Variants in ZNF678 observed in about 807,000 individuals in gnomAD.
ZNF678 encodes hypothetical protein MGC42493.
Under a neutral mutation model 3.0 loss-of-function variants are expected in ZNF678, and 5 were observed. The observed-to-expected ratio is 1.69, with a 90% CI of 0.88 to 3.56. The LOEUF is 3.56. Among genes scored for constraint, ZNF678 ranks in the 30% most tolerant of loss-of-function variants. The pLI is 0.00. For missense variants in ZNF678, 593 were observed against 605.0 expected, an observed-to-expected ratio of 0.98 and a Z score of 0.21; for synonymous variants, 218 against 199.6, an observed-to-expected ratio of 1.09 and a Z score of -0.78.
At chr1:227,581,974 A>G (rs1259227190) in intron 1 of ZNF678, among the ~76,000 whole-genome samples, 1 of 152,200 alleles carries the variant, frequency 6.6e-6, no homozygotes, top group African/African-American at 2.4e-5. Context: ...ACTGAACTGC[A>G]TTGAGATATA....
intron 1 of ZNF678, among the ~76,000 whole-genome samples, chr1:227,627,392 A>G (rs1490754681): frequency 6.6e-6 from 1 of 151,986 alleles, no homozygotes; most frequent in Non-Finnish European, 1.5e-5. Context: ...ATTACCCTGT[A>G]CTAGGGGTCC....
At chr1:227,653,769 ATGTC>A (rs1339392873) in intron 3 of ZNF678, among the ~76,000 whole-genome samples, 2 of 152,014 alleles carry the variant, frequency 1.3e-5, no homozygotes, top group Non-Finnish European at 2.9e-5. Flanking sequence ...GCTACACCTG[ATGTC>A]TGTCTGTGGC....
At chr1:227,672,141 T>G (rs561503805) in intron 5 of ZNF678, among the ~76,000 whole-genome samples, 1 of 152,372 alleles carries the variant, frequency 6.6e-6, no homozygotes. Flanking sequence ...AGGGCTTTGA[T>G]GTACAGGCTT....
intron 1 of ZNF678, among the ~76,000 whole-genome samples, chr1:227,628,030 G>A (rs555692255): frequency 6.6e-6 from 1 of 152,332 alleles, no homozygotes; most frequent in East Asian, 1.9e-4. Context: ...AAGTGATAGA[G>A]CCTGATATTT....
Position 227,657,279 on chromosome 1 carries a change from A to G in ZNF678, c.*1451A>G, listed in dbSNP as rs116647116. 4.6e-3 allele frequency: 694 copies of G among 152,052 alleles called. 2 individuals are homozygous for G. Among genetic ancestry groups the G allele is most frequent in the African/African-American group, 0.015 (638 of 41,520 alleles). 9.4% of individuals were successfully genotyped at this position (152,052 alleles called of 1,614,324 possible). A position where few individuals can be genotyped will look rare whatever the true frequency, so the allele number is the denominator to read the frequency against. On this transcript the variant is annotated 3_prime_UTR_variant, in exon 4 of 4. Transcript: ENST00000343776. ...TACCCCTTTGCCTTTTATTATGCAT[A>G]AAAGCTTCCTGAGGCCTCATCAGAA...
In ZNF678 at chr1:227,655,018, G is replaced by A; in HGVS notation, c.768G>A (p.Lys256=). 1 of 1,611,588 alleles carries A rather than the reference G, an allele frequency of 6.2e-7. No individual in the cohort carries two copies. Among genetic ancestry groups the A allele is most frequent in the Non-Finnish European group, 8.5e-7 (1 of 1,179,188 alleles). The change falls in exon 4 of 4, where the codon AAG becomes AAA. Residue 256 remains lysine, a synonymous_variant. Transcript: ENST00000343776. ...FNKFSNLTQH[K]RIHTGEKPYK... is the part of the protein sequence containing the mutation. ...AGTTCTCAAACCTTACTCAACATAA[G>A]AGAATTCATACTGGAGAGAAACCTT... is the stretch of plus-strand genomic sequence containing the variant.
At chr1:227,628,293 G>GT (rs572644157) in intron 1 of ZNF678, among the ~76,000 whole-genome samples, 203 of 151,206 alleles carry the variant, frequency 1.3e-3, no homozygotes, top group African/African-American at 4.4e-3. Context: ...AGCTATTCCT[G>GT]TTTTTTTTTC....
At chr1:227,598,602 G>T in intron 1 of ZNF678, 1 of 611,930 alleles carries the variant, frequency 1.6e-6, no homozygotes, top group African/African-American at 1.9e-5. Flanking sequence ...GGATGATAAA[G>T]GTTTATCTTA....
At chr1:227,635,556 T>C (rs1032456226) in intron 1 of ZNF678, among the ~76,000 whole-genome samples, 1 of 150,302 alleles carries the variant, frequency 6.7e-6, no homozygotes, top group African/African-American at 2.5e-5. Context: ...TGTGTGTGTG[T>C]GTGTGTGTAG....
At chr1:227,599,481 CTG>C (rs1657679609) in intron 1 of ZNF678, among the ~76,000 whole-genome samples, 1 of 152,118 alleles carries the variant, frequency 6.6e-6, no homozygotes, top group Non-Finnish European at 1.5e-5. Flanking sequence ...TTCAGAATGA[CTG>C]AGTTATACTT....
intron 2 of ZNF678, among the ~76,000 whole-genome samples, chr1:227,650,290 C>T (rs536735587): frequency 6.6e-6 from 1 of 152,228 alleles, no homozygotes; most frequent in East Asian, 1.9e-4. Context: ...GTATTCTTGA[C>T]GCCCTTGTTA....
intron 1 of ZNF678, among the ~76,000 whole-genome samples, chr1:227,594,317 A>G (rs532297418): frequency 4.6e-5 from 7 of 152,312 alleles, no homozygotes; most frequent in African/African-American, 1.7e-4. Flanking sequence ...CCTAATTTTA[A>G]TAAAACCTGA....
At chr1:227,603,672 T>G (rs1250320292) in intron 1 of ZNF678, among the ~76,000 whole-genome samples, 2 of 152,220 alleles carry the variant, frequency 1.3e-5, no homozygotes, top group Non-Finnish European at 2.9e-5. Context: ...TGGGAAGATG[T>G]GGACTGGTGC....
chr1:227,666,693 A>G (rs997272762), downstream of ZNF678, among the ~76,000 whole-genome samples: 3 of 149,552 alleles, frequency 2.0e-5, no homozygotes, highest in African/African-American at 4.9e-5. Flanking sequence ...TCCCTTGCTC[A>G]CTGTAAAGGG....
chr1:227,646,452 CAAGTTCACT>C lies in ZNF678; in HGVS notation c.-163-91_-163-83del, dbSNP rs1207891861. 4.8e-6 allele frequency: 6 copies of C among 1,242,870 alleles called. No homozygotes were observed. The African/African-American group carries it at 6.2e-5, about 13-fold the overall frequency. 77.0% of individuals were successfully genotyped at this position (1,242,870 alleles called of 1,614,324 possible). A position where few individuals can be genotyped will look rare whatever the true frequency, so the allele number is the denominator to read the frequency against. On this transcript the variant is annotated intron_variant, in intron 1 of 3. Transcript: ENST00000343776. ...TCTTACTGGACAGTTTCTGCCAGAA[CAAGTTCACT>C]TTACTCTCTTCAGTTGGAGTCAAAT...
chr1:227,608,762 G>C (rs1018730532), intron 1 of ZNF678, among the ~76,000 whole-genome samples: 3 of 152,132 alleles, frequency 2.0e-5, no homozygotes, highest in Non-Finnish European at 4.4e-5. Context: ...CGGTAGAGTT[G>C]AAGGAAAAAT....
chr1:227,641,099 T>C (rs2102791156), intron 1 of ZNF678, among the ~76,000 whole-genome samples: 1 of 152,322 alleles, frequency 6.6e-6, no homozygotes, highest in East Asian at 1.9e-4. Context: ...CAGTGACCGA[T>C]GTGCATGCAG....
chr1:227,651,234 C>A (rs181570953), intron 3 of ZNF678, among the ~76,000 whole-genome samples, 158 bp downstream of exon 3: 1 of 152,218 alleles, frequency 6.6e-6, no homozygotes, highest in African/African-American at 2.4e-5. Context: ...CTTGTGAATT[C>A]TGTCTTATTC....
At chr1:227,603,592 C>T (rs1291654062) in intron 1 of ZNF678, among the ~76,000 whole-genome samples, 3 of 152,292 alleles carry the variant, frequency 2.0e-5, no homozygotes, top group East Asian at 3.9e-4. Flanking sequence ...ATTCCTCACC[C>T]GCCATTGCTC....
Sources: allele counts gnomAD v4.1 joint callset (sites outside exome capture counted in the v4.1 genomes callset), GRCh38; gene constraint gnomAD v4.1.1; transcripts MANE v1.5; gene names NCBI Gene and HGNC (gene_info 2026-07-23, HGNC 2026-07-21).